Variants in SLC25A16 observed in about 807,000 individuals in gnomAD.
The protein encoded by SLC25A16 is mitochondrial coenzyme A transporter SLC25A16.
In SLC25A16, 39 loss-of-function variants were observed where a neutral mutation model predicts 41.5. The observed-to-expected ratio is 0.94, with a 90% CI of 0.73 to 1.23. The LOEUF (loss-of-function observed/expected upper bound fraction) is 1.23. Among genes scored for constraint, SLC25A16 ranks in the 50% most tolerant of loss-of-function variants. The probability of loss-of-function intolerance (pLI) is 0.00; values close to 1 mark genes in which losing one functional copy is unlikely to be tolerated. For synonymous variants in SLC25A16, 146 were observed against 147.8 expected, an observed-to-expected ratio of 0.99 and a Z score of 0.09; for missense variants, 421 against 426.9, an observed-to-expected ratio of 0.99 and a Z score of 0.12.
chr10:68,496,632 A>G, intron 4 of SLC25A16: 2 of 982,214 alleles, frequency 2.0e-6, no homozygotes, highest in Non-Finnish European at 1.2e-6. Flanking sequence ...ATAAATCTAA[A>G]CAAAGTCAGA....
chr10:68,497,472 G>A (rs1270967391), intron 4 of SLC25A16, among the ~76,000 whole-genome samples: 1 of 152,062 alleles, frequency 6.6e-6, no homozygotes, highest in Non-Finnish European at 1.5e-5. Flanking sequence ...TCTGATGAGT[G>A]TGACAACTAA....
Position 68,506,707 on chromosome 10 carries a change from C to T in SLC25A16, c.235G>A (p.Ala79Thr). Residue 79 changes from alanine to threonine, a missense_variant, in exon 3 of 9, where the codon GCA (alanine) becomes ACA (threonine). By Grantham distance (58) the Ala-to-Thr change is moderately conservative. Transcript: ENST00000609923. ...HHYKHLGVFS[A>T]LRAVPQKEGF... is the part of the protein sequence containing the mutation. Reference sequence around the variant, plus strand: ...TCTTTTTGAGGAACAGCACGCAATGCAGAAAATACTCCTATTTTTAGAGGA... The same window carrying T: ...TCTTTTTGAGGAACAGCACGCAATGTAGAAAATACTCCTATTTTTAGAGGA... The T allele has an allele frequency of 6.4e-7, 1 of 1,572,460 alleles. No individual in the cohort carries two copies.
Position 68,501,881 on chromosome 10 carries a change from C to T in SLC25A16, c.421+1751G>A, listed in dbSNP as rs143864168. Reference sequence around the variant, plus strand: ...CAAAAGTAAACATAAGATCAACATGCCAAAACAAATAGTTTTAGTAGAAAA... The same window carrying T: ...CAAAAGTAAACATAAGATCAACATGTCAAAACAAATAGTTTTAGTAGAAAA... On this transcript the variant is annotated intron_variant, in intron 4 of 8. Transcript: ENST00000609923. Among the ~76,000 whole-genome samples the T allele has an allele frequency of 3.6e-3, 541 of 152,172 alleles. 3 individuals carry two copies. The highest frequency in any genetic ancestry group is 4.4e-3 in the Non-Finnish European group (297 of 68,006).
intron 1 of SLC25A16, among the ~76,000 whole-genome samples, chr10:68,526,039 G>C (rs562201118): frequency 1.3e-5 from 2 of 151,852 alleles, no homozygotes; most frequent in South Asian, 4.2e-4. Flanking sequence ...TCTGAAATAC[G>C]GCCTCGTGGG....
chr10:68,501,422 G>A (rs79329460), intron 4 of SLC25A16, among the ~76,000 whole-genome samples: 3,658 of 151,818 alleles, frequency 0.024, 156 homozygotes, highest in African/African-American at 0.084. Flanking sequence ...GCCAGGCTGA[G>A]TGTAAACTCA....
In SLC25A16 at chr10:68,516,796, C is replaced by T. The variant is rs150691560; in HGVS notation, c.178G>A (p.Val60Ile). The change falls in exon 2 of 9, where the codon GTA (valine) becomes ATA (isoleucine). Residue 60 changes from valine (V) to isoleucine (I), a missense_variant. Physicochemically the swap from Val to Ile is conservative, Grantham distance 29. Coordinates refer to ENST00000609923, the MANE Select transcript of SLC25A16 (RefSeq NM_152707.4). ...TTGTGAGCTTGTAATAAAACCTTTA[C>T]TCGATCCAATGGAGCAACTGTTGTT... ...AKTTVAPLDRVKVLLQAHNHH... is the reference protein window; with the variant it reads ...AKTTVAPLDRIKVLLQAHNHH... 1 of 1,613,224 alleles carries T rather than the reference C, an allele frequency of 6.2e-7. No individual in the cohort carries two copies. Among genetic ancestry groups the T allele is most frequent in the African/African-American group, 1.3e-5 (1 of 74,896 alleles).
intron 1 of SLC25A16, among the ~76,000 whole-genome samples, chr10:68,519,035 A>G (rs1185728671): frequency 6.6e-6 from 1 of 151,194 alleles, no homozygotes; most frequent in Non-Finnish European, 1.5e-5. Flanking sequence ...TCTACTAAAA[A>G]TACAAAATTA....
At chr10:68,524,082 G>A (rs1040505722) in intron 1 of SLC25A16, among the ~76,000 whole-genome samples, 7 of 151,842 alleles carry the variant, frequency 4.6e-5, no homozygotes, top group African/African-American at 9.7e-5. Flanking sequence ...AGGTCAAGGC[G>A]GGCGGATCAC....
At chr10:68,494,863 G>A (rs1327959115) in intron 4 of SLC25A16, among the ~76,000 whole-genome samples, 6 of 141,046 alleles carry the variant, frequency 4.3e-5, no homozygotes, top group African/African-American at 7.8e-5. Flanking sequence ...CGGGCGACAA[G>A]AGTAAAACTG....
At chr10:68,496,884 C>T in intron 4 of SLC25A16, 1 of 164,572 alleles carries the variant, frequency 6.1e-6, no homozygotes, top group Non-Finnish European at 1.3e-5. Context: ...GATCACTGCA[C>T]ACTGCAGCCT....
chr10:68,520,883 C>A (rs1244943729), intron 1 of SLC25A16, among the ~76,000 whole-genome samples: 1 of 151,254 alleles, frequency 6.6e-6, no homozygotes, highest in Non-Finnish European at 1.5e-5. Flanking sequence ...CATCTGTAAT[C>A]CCAGCATTTT....
Position 68,493,611 on chromosome 10 carries a change from G to T in SLC25A16, c.422-41C>A, listed in dbSNP as rs201340142. ...AAATTTAGAGGTACAATGAATTTTT[G>T]ATATATACATATATTCCCCTATCAT... On this transcript the variant is annotated intron_variant, in intron 4 of 8. Coordinates refer to ENST00000609923, the MANE Select transcript of SLC25A16 (RefSeq NM_152707.4). The T allele has an allele frequency of 7.3e-5, 108 of 1,479,052 alleles. No individual in the cohort carries two copies. The African/African-American group carries it at 1.3e-3, about 17-fold the overall frequency. The allele number at this position is 1,479,052 out of a possible 1,614,324, so 91.6% of individuals were successfully genotyped here.
chr10:68,518,533 T>A (rs746530114), intron 1 of SLC25A16, among the ~76,000 whole-genome samples: 2 of 151,996 alleles, frequency 1.3e-5, no homozygotes. Context: ...CGCAGCACTT[T>A]GGGAGGCCGA....
At chr10:68,492,687 A>G (rs537577281) in intron 6 of SLC25A16, among the ~76,000 whole-genome samples, 71 of 152,288 alleles carry the variant, frequency 4.7e-4, no homozygotes, top group African/African-American at 1.5e-3. Context: ...CGTCTCAAAA[A>G]ACAAAAAAAA....
At chr10:68,520,168 A>C (rs1017091563) in intron 1 of SLC25A16, among the ~76,000 whole-genome samples, 7 of 149,962 alleles carry the variant, frequency 4.7e-5, no homozygotes, top group Admixed American at 4.0e-4. Flanking sequence ...CATGTTGGCC[A>C]GACTGTTCTT....
At chr10:68,485,867 G>A (rs1430504078) in intron 8 of SLC25A16, among the ~76,000 whole-genome samples, 3 of 146,394 alleles carry the variant, frequency 2.0e-5, no homozygotes, top group African/African-American at 2.5e-5. Context: ...GTGCGATCTC[G>A]GCTCACTGCA....
At chr10:68,486,244 A>C (rs1240719568) in intron 8 of SLC25A16, among the ~76,000 whole-genome samples, 3 of 149,692 alleles carry the variant, frequency 2.0e-5, no homozygotes, top group Non-Finnish European at 3.0e-5. Flanking sequence ...AAAAAAAAAA[A>C]AAACACAACC....
chr10:68,493,669 A>T (rs2133514385), intron 4 of SLC25A16, 99 bp from the exon 5 acceptor site: 1 of 925,046 alleles, frequency 1.1e-6, no homozygotes, highest in Non-Finnish European at 1.7e-6. Flanking sequence ...GCAATGGTGA[A>T]AACCCAATAA....
chr10:68,527,129 C>T, intron 1 of SLC25A16, 117 bp downstream of exon 1: 1 of 1,096,154 alleles, frequency 9.1e-7, no homozygotes, highest in South Asian at 1.6e-5. Context: ...AGACATCTAA[C>T]AGAACATTGA....
Sources: allele counts gnomAD v4.1 joint callset (sites outside exome capture counted in the v4.1 genomes callset), GRCh38; gene constraint gnomAD v4.1.1; transcripts MANE v1.5; gene names NCBI Gene and HGNC (gene_info 2026-07-23, HGNC 2026-07-21).